The following FRMD4A variants were observed in gnomAD, a reference collection of about 807,000 sequenced individuals.
The protein encoded by FRMD4A is FERM domain-containing protein 4A.
In FRMD4A, 29 loss-of-function variants were observed where a neutral mutation model predicts 129.1. That is an observed-to-expected ratio of 0.22 (90% CI 0.17 to 0.31). The LOEUF (loss-of-function observed/expected upper bound fraction) is 0.31, where lower values mean the gene tolerates loss of function less well. Ranked by LOEUF, FRMD4A falls within the 10% of genes least tolerant of loss-of-function variation. The pLI is 1.00. For missense variants in FRMD4A, 1,272 were observed against 1,375.8 expected, an observed-to-expected ratio of 0.92 and a Z score of 1.19; for synonymous variants, 634 against 571.6, an observed-to-expected ratio of 1.11 and a Z score of -1.56.
At chr10:14,035,559 G>A (rs1833459369) in intron 2 of FRMD4A, among the ~76,000 whole-genome samples, 1 of 152,036 alleles carries the variant, frequency 6.6e-6, no homozygotes. Flanking sequence ...TTTTAAAGTG[G>A]ATAAATTTAG....
At chr10:13,911,462 A>G (rs2094939753) in intron 2 of FRMD4A, among the ~76,000 whole-genome samples, 1 of 152,202 alleles carries the variant, frequency 6.6e-6, no homozygotes, top group Non-Finnish European at 1.5e-5. Context: ...AGCAAATCAG[A>G]GTTCATTCAG....
chr10:13,787,801 A>G (rs996825330), intron 5 of FRMD4A, among the ~76,000 whole-genome samples: 1 of 150,116 alleles, frequency 6.7e-6, no homozygotes, highest in South Asian at 2.1e-4. Context: ...TTGGCCGGGC[A>G]TAGTTTTTGG....
intron 22 of FRMD4A, 51 bp downstream of exon 22, chr10:13,656,585 A>C (rs2082168340): frequency 7.4e-7 from 1 of 1,343,112 alleles, no homozygotes; most frequent in South Asian, 2.1e-5. Flanking sequence ...TGACACCGGC[A>C]AGCAGTTCGC....
At chr10:14,055,854 G>A (rs914471057) in intron 2 of FRMD4A, among the ~76,000 whole-genome samples, 2 of 152,066 alleles carry the variant, frequency 1.3e-5, no homozygotes. Context: ...TAGTCTTTTC[G>A]TTATTTTAAC....
At position 13,972,535 on chromosome 10, in the gene FRMD4A, C is replaced by G. The variant is rs115981121; in HGVS notation, c.46-113623G>C. Among the ~76,000 whole-genome samples the G allele has an allele frequency of 3.1e-3, 478 of 152,154 alleles. 1 individual carries two copies. The highest frequency in any genetic ancestry group is 0.011 in the African/African-American group (465 of 41,506). On this transcript the variant is annotated intron_variant, in intron 2 of 24. Transcript: ENST00000357447. The stretch of plus-strand genomic sequence containing the variant: ...GAAAAGGAGGTAAAGTCAACCTATC[C>G]CGTTTTTTTTTTCGCCCCGCATGAG...
chr10:14,208,219 A>G (rs1842840872), intron 2 of FRMD4A, among the ~76,000 whole-genome samples: 1 of 152,126 alleles, frequency 6.6e-6, no homozygotes, highest in South Asian at 2.1e-4. Context: ...GAAACCAAGC[A>G]GAAAACAAAA....
intron 2 of FRMD4A, among the ~76,000 whole-genome samples, chr10:13,973,528 C>T (rs564954211): frequency 7.2e-5 from 11 of 152,158 alleles, no homozygotes; most frequent in African/African-American, 2.6e-4. Context: ...TATCATTTTT[C>T]CATGAATAAT....
At chr10:13,818,839 T>C (rs1051971416) in intron 3 of FRMD4A, among the ~76,000 whole-genome samples, 3 of 152,158 alleles carry the variant, frequency 2.0e-5, no homozygotes, top group Non-Finnish European at 4.4e-5. Flanking sequence ...AAAAATTCCA[T>C]GTATGGCCAG....
chr10:14,200,784 G>A (rs776808800), intron 2 of FRMD4A, among the ~76,000 whole-genome samples: 5 of 152,062 alleles, frequency 3.3e-5, no homozygotes, highest in South Asian at 2.1e-4. Context: ...GCTTTTTTCC[G>A]GTGCTTGGGC....
intron 12 of FRMD4A, among the ~76,000 whole-genome samples, chr10:13,714,670 G>A (rs1271386006): frequency 6.6e-6 from 1 of 152,118 alleles, no homozygotes; most frequent in Non-Finnish European, 1.5e-5. Flanking sequence ...TCATGCTACA[G>A]GAACCCATGA....
At chr10:13,830,671 G>C (rs1588938921) in intron 3 of FRMD4A, among the ~76,000 whole-genome samples, 1 of 152,198 alleles carries the variant, frequency 6.6e-6, no homozygotes, top group Non-Finnish European at 1.5e-5. Context: ...CTACTTACCA[G>C]AGAAAGCAAA....
chr10:14,122,388 T>C (rs1383046875), intron 2 of FRMD4A, among the ~76,000 whole-genome samples: 1 of 152,114 alleles, frequency 6.6e-6, no homozygotes, highest in Non-Finnish European at 1.5e-5. Flanking sequence ...ATGGGGTGTG[T>C]ATTAGTCTAG....
intron 2 of FRMD4A, among the ~76,000 whole-genome samples, chr10:14,095,226 C>G (rs1043241172): frequency 6.6e-6 from 1 of 152,128 alleles, no homozygotes; most frequent in South Asian, 2.1e-4. Flanking sequence ...AGACCACTGG[C>G]CATTCAGCTC....
rs1487145394 is a variant in FRMD4A at position 13,656,815 on chromosome 10, G to A, written c.2774C>T (p.Ser925Leu). 1.9e-6 allele frequency: 3 copies of A among 1,578,546 alleles called. No homozygotes were observed. The African/African-American group carries it at 4.1e-5, about 22-fold the overall frequency. The change falls in exon 22 of 25, where the codon TCA (serine) becomes TTA (leucine). Residue 925 changes from serine (S) to leucine (L), a missense_variant. Coordinates refer to ENST00000357447, the MANE Select transcript of FRMD4A (RefSeq NM_018027.5). ...CTGGTACCACTGGCGCAGCTCGTCT[G>A]AGACGGCGGCACGGCCCGCGCCCTT... Reference protein sequence around the residue: ...HDKGAGRAAVSDELRQWYQRS... With the variant: ...HDKGAGRAAVLDELRQWYQRS...
At chr10:13,921,615 C>T (rs941654219) in intron 2 of FRMD4A, among the ~76,000 whole-genome samples, 4 of 152,172 alleles carry the variant, frequency 2.6e-5, no homozygotes, top group African/African-American at 9.7e-5. Context: ...AGCACACCCT[C>T]ATAACCTAAT....
intron 2 of FRMD4A, among the ~76,000 whole-genome samples, chr10:14,077,346 G>A (rs888087809): frequency 5.3e-5 from 8 of 152,134 alleles, no homozygotes; most frequent in African/African-American, 1.4e-4. Flanking sequence ...TTTGTCACTC[G>A]ATGCCTGTGA....
chr10:13,647,771 C>T (rs1335092076), intron 24 of FRMD4A: 1 of 147,092 alleles, frequency 6.8e-6, no homozygotes, highest in Non-Finnish European at 1.5e-5. Context: ...GAGGTATCAC[C>T]ATTTAGGTTG....
intron 2 of FRMD4A, among the ~76,000 whole-genome samples, chr10:13,912,871 C>T (rs1349845656): frequency 1.3e-5 from 2 of 151,624 alleles, no homozygotes; most frequent in South Asian, 2.1e-4. Flanking sequence ...GTCAGGAGTT[C>T]GAGACCATCC....
At chr10:13,913,072 T>TAA (rs533215051) in intron 2 of FRMD4A, among the ~76,000 whole-genome samples, 12 of 126,632 alleles carry the variant, frequency 9.5e-5, no homozygotes, top group Admixed American at 4.8e-4. Context: ...AAACTCCATT[T>TAA]AAAAAAAAAA....
Sources: allele counts gnomAD v4.1 joint callset (sites outside exome capture counted in the v4.1 genomes callset), GRCh38; gene constraint gnomAD v4.1.1; transcripts MANE v1.5; gene names NCBI Gene and HGNC (gene_info 2026-07-23, HGNC 2026-07-21).